The following UST variants were observed in gnomAD, a reference collection of about 807,000 sequenced individuals.
The protein encoded by UST is chondroitin sulfate 2-O-sulfotransferase.
UST carries 21 observed loss-of-function variants against 45.6 expected under a neutral mutation model. The ratio of observed to expected loss-of-function variants is 0.46; its 90% CI spans 0.33 to 0.66. The LOEUF (loss-of-function observed/expected upper bound fraction) is 0.66. Ranked by LOEUF, UST falls within the 30% of genes least tolerant of loss-of-function variation. The probability of loss-of-function intolerance (pLI) is 0.02; values close to 1 mark genes in which losing one functional copy is unlikely to be tolerated. For synonymous variants in UST, 215 were observed against 200.6 expected, an observed-to-expected ratio of 1.07 and a Z score of -0.61; for missense variants, 463 against 512.4, an observed-to-expected ratio of 0.90 and a Z score of 0.93.
At chr6:148,866,848 T>C in intron 1 of UST, among the ~76,000 whole-genome samples, 1 of 152,316 alleles carries the variant, frequency 6.6e-6, no homozygotes, top group African/African-American at 2.4e-5. Context: ...TATTCTCTGT[T>C]ACATGTACCT....
intron 5 of UST, among the ~76,000 whole-genome samples, chr6:149,001,072 CTTT>C (rs71554430): frequency 6.6e-5 from 9 of 136,370 alleles, no homozygotes; most frequent in East Asian, 2.1e-4. Context: ...GGAGATGATT[CTTT>C]TTTTTTTTTT....
At chr6:148,811,204 C>T (rs2114730235) in intron 1 of UST, among the ~76,000 whole-genome samples, 1 of 152,272 alleles carries the variant, frequency 6.6e-6, no homozygotes, top group African/African-American at 2.4e-5. Flanking sequence ...TGTTATGACT[C>T]CCCAGCTGGT....
intron 7 of UST, among the ~76,000 whole-genome samples, chr6:149,073,352 T>C (rs1214434638): frequency 6.6e-6 from 1 of 152,196 alleles, no homozygotes; most frequent in African/African-American, 2.4e-5. Flanking sequence ...TCTGGACAAA[T>C]GCATTGTTGA....
intron 1 of UST, among the ~76,000 whole-genome samples, chr6:148,803,200 C>G (rs1777083355): frequency 1.3e-5 from 2 of 152,044 alleles, no homozygotes; most frequent in South Asian, 4.2e-4. Context: ...ATAGAATCTC[C>G]CTAGAATCAA....
chr6:148,834,912 A>G (rs970857453), intron 1 of UST, among the ~76,000 whole-genome samples: 2 of 152,216 alleles, frequency 1.3e-5, no homozygotes, highest in Non-Finnish European at 2.9e-5. Flanking sequence ...AGCATGACCT[A>G]TTAATATGGA....
At chr6:148,877,141 G>C (rs1366029251) in intron 1 of UST, among the ~76,000 whole-genome samples, 2 of 80,900 alleles carry the variant, frequency 2.5e-5, no homozygotes, top group African/African-American at 1.0e-4. Flanking sequence ...GTATGAGTGC[G>C]GGGATTGTGT....
intron 5 of UST, among the ~76,000 whole-genome samples, chr6:148,975,529 A>G (rs984790264): frequency 2.0e-5 from 3 of 152,166 alleles, no homozygotes; most frequent in Non-Finnish European, 4.4e-5. Flanking sequence ...TGACTTTGTC[A>G]TTGTCTTGCT....
At chr6:148,926,498 T>G (rs1182749314) in intron 2 of UST, among the ~76,000 whole-genome samples, 1 of 152,216 alleles carries the variant, frequency 6.6e-6, no homozygotes, top group Non-Finnish European at 1.5e-5. Flanking sequence ...CTTATCTTCG[T>G]TCTCTGTCTT....
At chr6:148,964,018 A>G (rs938867315) in intron 4 of UST, among the ~76,000 whole-genome samples, 4 of 152,198 alleles carry the variant, frequency 2.6e-5, no homozygotes, top group East Asian at 1.9e-4. Context: ...CCGAGGGCCA[A>G]TTGTGTCCCT....
At chr6:149,065,694 T>C (rs1270816381) in intron 7 of UST, among the ~76,000 whole-genome samples, 1 of 152,226 alleles carries the variant, frequency 6.6e-6, no homozygotes, top group Non-Finnish European at 1.5e-5. Flanking sequence ...CACAGGGTTA[T>C]TGAGAATATC....
chr6:149,048,452 C>T (rs1387815948), intron 7 of UST, among the ~76,000 whole-genome samples: 1 of 151,428 alleles, frequency 6.6e-6, no homozygotes, highest in Non-Finnish European at 1.5e-5. Flanking sequence ...AGGAGAATCG[C>T]TTGAACCTGG....
chr6:148,854,589 C>T (rs1031198439), intron 1 of UST, among the ~76,000 whole-genome samples: 2 of 151,814 alleles, frequency 1.3e-5, no homozygotes, highest in African/African-American at 2.4e-5. Flanking sequence ...TTAATATTAC[C>T]ATGCTTTGGT....
chr6:148,884,393 G>A (rs1778876223), intron 1 of UST, among the ~76,000 whole-genome samples: 1 of 151,660 alleles, frequency 6.6e-6, no homozygotes. Context: ...CGGTAAACAA[G>A]TAAATGAGTG....
intron 5 of UST, among the ~76,000 whole-genome samples, chr6:148,993,927 TAA>T (rs934244766): frequency 2.0e-5 from 3 of 150,358 alleles, no homozygotes; most frequent in African/African-American, 7.3e-5. Context: ...CTTTTCCTTA[TAA>T]ATTACCCAGT....
chr6:148,747,784 G>GCCT, intron 1 of UST, 107 bp downstream of exon 1: 1 of 1,369,706 alleles, frequency 7.3e-7, no homozygotes, highest in Non-Finnish European at 9.5e-7. Flanking sequence ...CGCCGCCGCC[G>GCCT]CCCCGGGTCT....
chr6:148,875,241 A>G (rs1204567087), intron 1 of UST, among the ~76,000 whole-genome samples: 7 of 152,200 alleles, frequency 4.6e-5, no homozygotes, highest in Non-Finnish European at 8.8e-5. Context: ...AATTCAGACT[A>G]AAATAGATCT....
intron 5 of UST, among the ~76,000 whole-genome samples, chr6:148,965,064 T>A (rs1384310): frequency 0.32 from 48,313 of 151,980 alleles, 7,996 homozygotes; most frequent in Middle Eastern, 0.38. Flanking sequence ...ACCGACTGTT[T>A]CGGGTTTCCT....
chr6:148,921,781 G>C (rs1374009321), intron 2 of UST, among the ~76,000 whole-genome samples: 1 of 152,140 alleles, frequency 6.6e-6, no homozygotes, highest in African/African-American at 2.4e-5. Flanking sequence ...CAGTCATGAA[G>C]TGCCACTCCC....
chr6:148,987,806 TC>T (rs2114988325), intron 5 of UST, among the ~76,000 whole-genome samples: 1 of 149,614 alleles, frequency 6.7e-6, no homozygotes, highest in East Asian at 2.0e-4. Flanking sequence ...TGCAGTGACA[TC>T]CGTAGCGCCA....
Sources: gnomAD v4.1 joint callset for allele counts (sites outside exome capture counted in the v4.1 genomes callset) on GRCh38, gnomAD v4.1.1 for gene constraint, MANE v1.5 for transcripts, NCBI Gene and HGNC (gene_info 2026-07-23, HGNC 2026-07-21) for gene names.